Variants in ARFGEF2 observed in about 807,000 individuals in gnomAD.
ARFGEF2 encodes brefeldin A-inhibited guanine nucleotide-exchange protein 2.
A neutral mutation model predicts 219.9 loss-of-function variants in ARFGEF2; 74 were observed. The observed-to-expected ratio is 0.34, with a 90% CI of 0.28 to 0.41. The LOEUF (loss-of-function observed/expected upper bound fraction) is 0.41, where lower values mean the gene tolerates loss of function less well. Ranked by LOEUF, ARFGEF2 falls within the 10% of genes least tolerant of loss-of-function variation. ARFGEF2 has a pLI of 1.00. For synonymous variants in ARFGEF2, 733 were observed against 799.2 expected (o/e 0.92, Z 1.40); for missense variants, 1,743 against 2,218.3 (o/e 0.79, Z 4.30).
chr20:48,969,762 G>T (rs888686031), intron 9 of ARFGEF2, among the ~76,000 whole-genome samples: 1 of 152,220 alleles, frequency 6.6e-6, no homozygotes, highest in African/African-American at 2.4e-5. Context: ...GAAAGCAGAG[G>T]CTTCAGAGCC....
chr20:49,004,454 A>G (rs1195709605), intron 25 of ARFGEF2, among the ~76,000 whole-genome samples: 1 of 152,140 alleles, frequency 6.6e-6, no homozygotes, highest in African/African-American at 2.4e-5. Context: ...ATATTTTACA[A>G]TTAGAAAAAT....
At chr20:48,980,440 G>C (rs2091288142) in intron 14 of ARFGEF2, among the ~76,000 whole-genome samples, 1 of 152,188 alleles carries the variant, frequency 6.6e-6, no homozygotes, top group Non-Finnish European at 1.5e-5. Context: ...ATGTGGTGCT[G>C]AGAAGAATGT....
intron 15 of ARFGEF2, 100 bp downstream of exon 15, chr20:48,984,940 T>G (rs1568721467): frequency 5.0e-6 from 8 of 1,590,452 alleles, no homozygotes; most frequent in Non-Finnish European, 6.8e-6. Flanking sequence ...AAGTACATTG[T>G]CTGTTGTCCA....
At chr20:49,011,819 T>C (rs1308947059) in intron 27 of ARFGEF2, 105 bp from the exon 28 acceptor site, 2 of 1,283,828 alleles carry the variant, frequency 1.6e-6, no homozygotes, top group Non-Finnish European at 1.1e-6. Flanking sequence ...CACAGTTAAT[T>C]ATCTCTGATG....
intron 1 of ARFGEF2, among the ~76,000 whole-genome samples, chr20:48,933,839 G>C (rs2090929518): frequency 6.6e-6 from 1 of 151,914 alleles, no homozygotes; most frequent in Non-Finnish European, 1.5e-5. Flanking sequence ...AGGGAAGTTG[G>C]CCGGGTGCGG....
intron 3 of ARFGEF2, among the ~76,000 whole-genome samples, chr20:48,948,817 G>A (rs1055774912): frequency 6.6e-6 from 1 of 152,176 alleles, no homozygotes; most frequent in Non-Finnish European, 1.5e-5. Context: ...CTCCCTGTCC[G>A]TCTTCCCGCC....
intron 26 of ARFGEF2, among the ~76,000 whole-genome samples, chr20:49,005,646 G>T (rs1220522430): frequency 1.3e-5 from 2 of 149,060 alleles, no homozygotes; most frequent in Non-Finnish European, 3.0e-5. Context: ...GCTGAGGCAG[G>T]AGAATGGCGT....
chr20:49,023,215 G>A (rs771131833), intron 35 of ARFGEF2, 34 bp downstream of exon 35: 15 of 1,613,096 alleles, frequency 9.3e-6, no homozygotes, highest in Non-Finnish European at 1.3e-5. Flanking sequence ...GAGCATCCCT[G>A]TCCATAGGGA....
chr20:49,009,059 T>C (rs1184086491), intron 26 of ARFGEF2, among the ~76,000 whole-genome samples: 1 of 152,176 alleles, frequency 6.6e-6, no homozygotes, highest in Non-Finnish European at 1.5e-5. Context: ...TTTACTATCA[T>C]CATATCTTTC....
rs2091258784 is a variant in ARFGEF2, at chr20:48,976,025, G to A, written c.1784G>A (p.Arg595Lys). The A allele has an allele frequency of 2.5e-6, 4 of 1,612,262 alleles. No homozygotes were observed. ...TTTTGTTTCTCCGCAGGTCAGGAGAGGCTCACGGATCAGGAAATAGGGGAT... is the reference window on the plus strand; with the variant it reads ...TTTTGTTTCTCCGCAGGTCAGGAGAAGCTCACGGATCAGGAAATAGGGGAT... ...PNHQTSLGQE[R>K]LTDQEIGDGK... The change falls in exon 14 of 39, where the codon AGG becomes AAG. Residue 595 changes from arginine to lysine, a missense_variant. This residue lies in a region of ARFGEF2 where 666 missense variants were observed against 955.4 expected (regional missense o/e 0.70). Coordinates refer to ENST00000371917, the MANE Select transcript of ARFGEF2 (RefSeq NM_006420.3).
At chr20:48,960,878 G>A (rs1385655044) in intron 6 of ARFGEF2, among the ~76,000 whole-genome samples, 6 of 150,962 alleles carry the variant, frequency 4.0e-5, no homozygotes, top group African/African-American at 1.5e-4. Context: ...TCAAGAGATC[G>A]AGACCATCCT....
chr20:48,988,287 C>T lies in ARFGEF2; in HGVS notation c.2277-17C>T, dbSNP rs770029266. The T allele has an allele frequency of 7.5e-6, 12 of 1,605,144 alleles. No homozygotes were observed. The highest frequency in any genetic ancestry group is 1.7e-5 in the Admixed American group (1 of 59,958). On this transcript the variant is annotated splice_polypyrimidine_tract_variant and intron_variant, in intron 16 of 38. Transcript: ENST00000371917. ...CGCATCACCATGAATATTGATGTCT[C>T]GAATTTTTTTCTCCAGGCAAACTCT...
chr20:48,963,977 A>C, intron 7 of ARFGEF2, 79 bp downstream of exon 7: 3 of 1,338,238 alleles, frequency 2.2e-6, no homozygotes, highest in Non-Finnish European at 3.2e-6. Flanking sequence ...TTAGTGGTGG[A>C]GTTTCCTCTT....
rs758071330 is a variant in ARFGEF2, at chr20:48,994,511, C to T, written c.3034C>T (p.Arg1012Cys). 3.7e-5 allele frequency: 60 copies of T among 1,613,998 alleles called. No individual in the cohort carries two copies. Among genetic ancestry groups the T allele is most frequent in the Non-Finnish European group, 4.7e-5 (55 of 1,180,034 alleles). Reference protein sequence around the residue: ...AQLIGTGVKTRYLSGSGRERE... With the variant: ...AQLIGTGVKTCYLSGSGRERE... Reference sequence around the variant, plus strand: ...GCTGATAGGAACCGGTGTGAAGACGCGCTACCTGTCTGGATCTGGGCGTGA... The same window carrying T: ...GCTGATAGGAACCGGTGTGAAGACGTGCTACCTGTCTGGATCTGGGCGTGA... Residue 1012 changes from arginine to cysteine, a missense_variant, in exon 22 of 39, where the codon CGC becomes TGC. Coordinates refer to ENST00000371917, the MANE Select transcript of ARFGEF2 (RefSeq NM_006420.3).
chr20:48,989,219 C>T lies in ARFGEF2; in HGVS notation c.2534-66C>T, dbSNP rs1600637243. The T allele has an allele frequency of 1.1e-5, 17 of 1,557,734 alleles. No individual in the cohort carries two copies. In the East Asian group the frequency reaches 3.8e-4, roughly 35 times the overall value. ...GTTAATCATTGTGCATCTTTTGAAACAGTGTATGGCATGTAGCCAGCCCTC... is the reference window on the plus strand; with the variant it reads ...GTTAATCATTGTGCATCTTTTGAAATAGTGTATGGCATGTAGCCAGCCCTC... On this transcript the variant is annotated intron_variant, in intron 18 of 38. Transcript: ENST00000371917.
chr20:48,989,347 A>G lies in ARFGEF2; in HGVS notation c.2596A>G (p.Thr866Ala). The G allele has an allele frequency of 3.7e-6, 6 of 1,614,194 alleles. No individual in the cohort carries two copies. The highest frequency in any genetic ancestry group is 5.1e-6 in the Non-Finnish European group (6 of 1,180,038). ...CTTAGAGATGGAGCAAATGGCTAAAACAGCCAAAGCTCTGATGGAGGCTGT... is the reference window on the plus strand; with the variant it reads ...CTTAGAGATGGAGCAAATGGCTAAAGCAGCCAAAGCTCTGATGGAGGCTGT... ...YNLEMEQMAK[T>A]AKALMEAVSH... Residue 866 changes from threonine (T) to alanine (A), a missense_variant, in exon 19 of 39, where the codon ACA (threonine) becomes GCA (alanine). Physicochemically the swap from Thr to Ala is moderately conservative, Grantham distance 58 (BLOSUM62 0). Coordinates refer to ENST00000371917, the MANE Select transcript of ARFGEF2 (RefSeq NM_006420.3).
At chr20:48,951,155 G>A (rs1031126901) in intron 3 of ARFGEF2, among the ~76,000 whole-genome samples, 168 bp from the exon 4 acceptor site, 12 of 152,016 alleles carry the variant, frequency 7.9e-5, no homozygotes, top group Non-Finnish European at 1.5e-4. Context: ...GCTGTCAGGC[G>A]ACAGGACGAA....
chr20:48,925,270 C>T (rs904315854), intron 1 of ARFGEF2, among the ~76,000 whole-genome samples: 1 of 152,216 alleles, frequency 6.6e-6, no homozygotes, highest in African/African-American at 2.4e-5. Flanking sequence ...CAACCTTTAT[C>T]TGGAGAAATC....
At chr20:49,032,543 ATTAAAG>A (rs1477910757) in intron 38 of ARFGEF2, among the ~76,000 whole-genome samples, 2 of 152,168 alleles carry the variant, frequency 1.3e-5, no homozygotes, top group African/African-American at 4.8e-5. Flanking sequence ...TCCAAATTTA[ATTAAAG>A]TTAAATATAA....
Sources: gnomAD v4.1 joint callset for allele counts (sites outside exome capture counted in the v4.1 genomes callset) on GRCh38, gnomAD v4.1.1 for gene constraint, gnomAD v4.1.1 regional missense constraint, MANE v1.5 for transcripts, NCBI Gene and HGNC (gene_info 2026-07-23, HGNC 2026-07-21) for gene names.